Variants in SORCS3 observed in about 807,000 individuals in gnomAD.
SORCS3 encodes the protein VPS10 domain-containing receptor SorCS3.
SORCS3 carries 57 observed loss-of-function variants against 146.3 expected under a neutral mutation model. The observed-to-expected ratio is 0.39, with a 90% confidence interval of 0.31 to 0.49. The LOEUF is 0.49. SORCS3 is among the 20% of genes least tolerant of loss of function. The pLI is 0.92. For synonymous variants in SORCS3, 653 were observed against 618.5 expected (o/e 1.06, Z -0.83); for missense variants, 1,341 against 1,575.5 (o/e 0.85, Z 2.52).
At chr10:104,899,987 C>T (rs1288241069) in intron 2 of SORCS3, among the ~76,000 whole-genome samples, 3 of 152,016 alleles carry the variant, frequency 2.0e-5, no homozygotes, top group Non-Finnish European at 2.9e-5. Flanking sequence ...GAGGTGTCTG[C>T]CCCAGAGCCT....
chr10:104,645,547 C>A (rs72811696), intron 1 of SORCS3, among the ~76,000 whole-genome samples: 5,415 of 152,296 alleles, frequency 0.036, 126 homozygotes, highest in Middle Eastern at 0.082. Flanking sequence ...GCAGCGCACT[C>A]GAAGTGGCAG....
rs1272933939 is a variant in SORCS3 at position 105,103,446 on chromosome 10, A to C, written c.1094-1951A>C. ...ATTAGCCCAGGCTTAGGCTTTAGAG[A>C]TGCCTTTGGCTACTTGTTTCAAGTC... On this transcript the variant is annotated intron_variant, in intron 6 of 26. Coordinates refer to ENST00000369701, the MANE Select transcript of SORCS3 (RefSeq NM_014978.3). 2.0e-5 allele frequency among the ~76,000 whole-genome samples: 3 copies of C among 152,190 alleles called. No individual in the cohort carries two copies. The South Asian group carries it at 6.2e-4, about 32-fold the overall frequency.
At position 105,017,088 on chromosome 10, in the gene SORCS3, A is replaced by T. The variant is rs1282287917; in HGVS notation, c.955-25967A>T. 3.9e-5 allele frequency among the ~76,000 whole-genome samples: 6 copies of T among 152,302 alleles called. No homozygotes were observed. In the East Asian group the frequency reaches 1.2e-3, roughly 29 times the overall value. On this transcript the variant is annotated intron_variant, in intron 4 of 26. Transcript: ENST00000369701. ...GTTTTACTTATTCTCCCATGCTAGT[A>T]ATATTTCCTTCTGCCACTTTGGGTA...
At chr10:104,867,555 C>T (rs868356544) in intron 2 of SORCS3, among the ~76,000 whole-genome samples, 7 of 152,156 alleles carry the variant, frequency 4.6e-5, no homozygotes, top group Admixed American at 2.0e-4. Flanking sequence ...ATGATCTGCC[C>T]GCCTAGGCCT....
chr10:104,675,799 G>T (rs2015906495), intron 1 of SORCS3, among the ~76,000 whole-genome samples: 1 of 152,106 alleles, frequency 6.6e-6, no homozygotes, highest in Non-Finnish European at 1.5e-5. Flanking sequence ...ATCTAAGTTT[G>T]CCAATCTTAT....
chr10:104,671,509 AT>A (rs141898694), intron 1 of SORCS3, among the ~76,000 whole-genome samples: 64,919 of 143,214 alleles, frequency 0.45, 16,008 homozygotes, highest in Middle Eastern at 0.68. Context: ...TAACTTAAAT[AT>A]TTTTTTTTTT....
chr10:104,823,936 G>T (rs143099176), intron 1 of SORCS3, among the ~76,000 whole-genome samples: 1 of 152,166 alleles, frequency 6.6e-6, no homozygotes, highest in Non-Finnish European at 1.5e-5. Flanking sequence ...TCAGAGTGAT[G>T]CCATATGAGA....
At chr10:104,835,681 T>C (rs2018058104) in intron 1 of SORCS3, among the ~76,000 whole-genome samples, 1 of 152,236 alleles carries the variant, frequency 6.6e-6, no homozygotes, top group Admixed American at 6.5e-5. Context: ...GAGAGAACAC[T>C]GGCTCTGATT....
At chr10:104,808,281 A>G (rs1425102892) in intron 1 of SORCS3, among the ~76,000 whole-genome samples, 1 of 152,234 alleles carries the variant, frequency 6.6e-6, no homozygotes, top group Non-Finnish European at 1.5e-5. Flanking sequence ...TTTAGCAAGT[A>G]CTATATTCTG....
chr10:104,754,421 A>G (rs534853072), intron 1 of SORCS3, among the ~76,000 whole-genome samples: 1 of 152,196 alleles, frequency 6.6e-6, no homozygotes. Flanking sequence ...ACCTTTGAGC[A>G]TCATTGCTTG....
At chr10:104,948,415 TG>T (rs1236817256) in intron 3 of SORCS3, among the ~76,000 whole-genome samples, 6 of 152,012 alleles carry the variant, frequency 3.9e-5, no homozygotes, top group Non-Finnish European at 8.8e-5. Context: ...TTTAGAAAAA[TG>T]GGCAAGGACT....
At chr10:104,912,739 A>T (rs2018981643) in intron 2 of SORCS3, among the ~76,000 whole-genome samples, 3 of 152,240 alleles carry the variant, frequency 2.0e-5, no homozygotes, top group African/African-American at 7.2e-5. Flanking sequence ...TGTTAAAAAC[A>T]TGGTTCTAGT....
chr10:104,864,526 CCATAGGGTCT>C (rs1276765888), intron 2 of SORCS3, among the ~76,000 whole-genome samples: 2 of 152,124 alleles, frequency 1.3e-5, no homozygotes, highest in Non-Finnish European at 2.9e-5. Context: ...CAAAGCTTGT[CCATAGGGTCT>C]CACTGGGTGA....
At chr10:104,646,008 G>A (rs994230662) in intron 1 of SORCS3, among the ~76,000 whole-genome samples, 1 of 152,076 alleles carries the variant, frequency 6.6e-6, no homozygotes, top group Middle Eastern at 3.2e-3. Flanking sequence ...CATTCTTCAG[G>A]GTTTTGCCAA....
At chr10:104,850,337 T>C (rs1364697792) in intron 2 of SORCS3, among the ~76,000 whole-genome samples, 7 of 152,148 alleles carry the variant, frequency 4.6e-5, no homozygotes, top group Non-Finnish European at 2.9e-5. Context: ...AATCCTAGCA[T>C]TTTGGGAGGC....
rs771029154 is a variant in SORCS3, at chr10:104,671,325, C to CTTTTTTTTTTTTTTTTTTTTTTTTTT, written c.627+29373_627+29398dup. Among the ~76,000 whole-genome samples, 11 of 19,202 alleles carry CTTTTTTTTTTTTTTTTTTTTTTTTTT rather than the reference C, an allele frequency of 5.7e-4. 4 individuals are homozygous for CTTTTTTTTTTTTTTTTTTTTTTTTTT. Among genetic ancestry groups the CTTTTTTTTTTTTTTTTTTTTTTTTTT allele is most frequent in the Non-Finnish European group, 7.1e-4 (8 of 11,212 alleles). The allele number at this position is 19,202 out of a possible 152,430, so 12.6% of individuals were successfully genotyped here. Reference sequence around the variant, plus strand: ...ATGTTAAGGTAGTTTCATTCTTTTCCTTTTTTTTTTTTTTTTTTTTTTTTT... The same window carrying CTTTTTTTTTTTTTTTTTTTTTTTTTT: ...ATGTTAAGGTAGTTTCATTCTTTTCCTTTTTTTTTTTTTTTTTTTTTTTTTTTTTTTTTTTTTTTTTTTTTTTTTTT... On this transcript the variant is annotated intron_variant, in intron 1 of 26. Transcript: ENST00000369701.
rs532633131 is a variant in SORCS3 at position 105,226,517 on chromosome 10, C to CT, written c.2868+3275dup. 1.1e-4 allele frequency among the ~76,000 whole-genome samples: 16 copies of CT among 151,894 alleles called. No individual in the cohort carries two copies. The East Asian group carries it at 3.1e-3, about 29-fold the overall frequency. On this transcript the variant is annotated intron_variant, in intron 20 of 26. Coordinates refer to ENST00000369701, the MANE Select transcript of SORCS3 (RefSeq NM_014978.3). The stretch of plus-strand genomic sequence containing the variant: ...ATCGAGCCTATTGGCCCATAGTTTT[C>CT]TTTTTTTGTTGAGTTCTTGCCTGGT...
chr10:105,249,190 T>C (rs2056884461), intron 22 of SORCS3, among the ~76,000 whole-genome samples: 1 of 152,164 alleles, frequency 6.6e-6, no homozygotes, highest in South Asian at 2.1e-4. Flanking sequence ...TTAATCAAGA[T>C]GGGGACTATG....
intron 1 of SORCS3, among the ~76,000 whole-genome samples, chr10:104,660,397 G>A (rs180953625): frequency 2.4e-4 from 37 of 152,308 alleles, no homozygotes; most frequent in African/African-American, 8.4e-4. Flanking sequence ...TAACATTTAG[G>A]TAGTGGAGGA....
Sources: gnomAD v4.1 joint callset for allele counts (sites outside exome capture counted in the v4.1 genomes callset) on GRCh38, gnomAD v4.1.1 for gene constraint, MANE v1.5 for transcripts, NCBI Gene and HGNC (gene_info 2026-07-23, HGNC 2026-07-21) for gene names.